COL11A1: variants seen among roughly 807,000 people sequenced by gnomAD.
COL11A1 encodes the protein collagen type XI alpha 1 chain.
COL11A1 carries 74 observed loss-of-function variants against 265.2 expected under a neutral mutation model. The observed-to-expected ratio is 0.28, with a 90% CI of 0.23 to 0.34. The LOEUF is 0.34. Ranked by LOEUF, COL11A1 falls within the 10% of genes least tolerant of loss-of-function variation. The pLI, the probability that COL11A1 is intolerant of heterozygous loss-of-function variation, is 1.00. For synonymous variants in COL11A1, 816 were observed against 727.6 expected (o/e 1.12, Z -1.96); for missense variants, 2,165 against 2,263.6 (o/e 0.96, Z 0.88).
intron 18 of COL11A1, among the ~76,000 whole-genome samples, chr1:103,005,603 G>C (rs1045022412): frequency 6.6e-5 from 10 of 152,038 alleles, no homozygotes; most frequent in Admixed American, 2.0e-4. Flanking sequence ...TAAAGATTCT[G>C]ATTCAATTTA....
intron 23 of COL11A1, 26 bp from the exon 24 acceptor site, chr1:103,001,995 T>C: frequency 6.3e-7 from 1 of 1,585,022 alleles, no homozygotes; most frequent in South Asian, 1.1e-5. Flanking sequence ...TTATTTCATA[T>C]ATCAGATATC....
intron 14 of COL11A1, among the ~76,000 whole-genome samples, chr1:103,010,914 GGTC>G (rs1557941697): frequency 1.3e-5 from 2 of 152,024 alleles, no homozygotes; most frequent in African/African-American, 4.8e-5. Flanking sequence ...TGGTCAGGCT[GGTC>G]TCGAACTCCC....
Position 103,108,269 on chromosome 1 carries a change from T to G in COL11A1, c.-91A>C, listed in dbSNP as rs1674872965. 1.1e-6 allele frequency: 1 copy of G among 951,464 alleles called. No individual in the cohort carries two copies. The highest frequency in any genetic ancestry group is 1.6e-5 in the African/African-American group (1 of 62,140). 58.9% of individuals were successfully genotyped at this position (951,464 alleles called of 1,614,324 possible). A position where few individuals can be genotyped will look rare whatever the true frequency, so the allele number is the denominator to read the frequency against. On this transcript the variant is annotated 5_prime_UTR_variant, in exon 1 of 67. Transcript: ENST00000370096. The stretch of plus-strand genomic sequence containing the variant: ...CCTTTCCAAGGTATCGCCAGGGATG[T>G]TTGCTACACAGCCATTGGGGAGGGA...
At chr1:103,012,059 A>C (rs895607286) in intron 14 of COL11A1, among the ~76,000 whole-genome samples, 3 of 152,324 alleles carry the variant, frequency 2.0e-5, no homozygotes, top group African/African-American at 4.8e-5. Flanking sequence ...CTTTTTTAAC[A>C]AACATTTTGT....
chr1:103,079,017 G>T, intron 2 of COL11A1, 146 bp from the exon 3 acceptor site: 2 of 640,436 alleles, frequency 3.1e-6, no homozygotes, highest in Non-Finnish European at 5.5e-6. Flanking sequence ...AATAAATAGG[G>T]GTCCTCCATT....
intron 4 of COL11A1, among the ~76,000 whole-genome samples, chr1:103,054,153 T>C (rs971466111): frequency 2.0e-5 from 3 of 152,238 alleles, no homozygotes; most frequent in African/African-American, 4.8e-5. Flanking sequence ...TTATTTCTGT[T>C]AAAATTGTAC....
chr1:102,922,925 T>C (rs1318991515), intron 47 of COL11A1, among the ~76,000 whole-genome samples: 3 of 152,168 alleles, frequency 2.0e-5, no homozygotes, highest in Non-Finnish European at 4.4e-5. Flanking sequence ...GGATTTCAAT[T>C]ACCTTTGCTA....
At chr1:102,878,711 G>T (rs929771562) in intron 66 of COL11A1, among the ~76,000 whole-genome samples, 1 of 151,108 alleles carries the variant, frequency 6.6e-6, no homozygotes, top group Non-Finnish European at 1.5e-5. Context: ...GTTTCACTTT[G>T]TTGGCCAGGC....
chr1:102,994,561 C>CT (rs904115257), intron 28 of COL11A1, among the ~76,000 whole-genome samples: 3 of 152,052 alleles, frequency 2.0e-5, no homozygotes. Context: ...AATTAAACCT[C>CT]TTTTTTATAA....
At chr1:103,049,811 T>A (rs539362344) in intron 4 of COL11A1, among the ~76,000 whole-genome samples, 1 of 152,324 alleles carries the variant, frequency 6.6e-6, no homozygotes, top group East Asian at 1.9e-4. Context: ...ACAAAATCTC[T>A]CAGCATTTGC....
intron 1 of COL11A1, among the ~76,000 whole-genome samples, chr1:103,093,917 T>C (rs1056107489): frequency 6.6e-6 from 1 of 152,032 alleles, no homozygotes; most frequent in East Asian, 1.9e-4. Flanking sequence ...GTCAATGCTA[T>C]GGAAGAGAAC....
At chr1:103,027,970 T>C (rs1571085279) in intron 5 of COL11A1, among the ~76,000 whole-genome samples, 1 of 152,100 alleles carries the variant, frequency 6.6e-6, no homozygotes, top group African/African-American at 2.4e-5. Flanking sequence ...GGAAATAACA[T>C]GTTAACTGCC....
Position 103,054,293 on chromosome 1 carries a change from G to A in COL11A1, c.651+20325C>T, listed in dbSNP as rs561920973. On this transcript the variant is annotated intron_variant, in intron 4 of 66. Coordinates refer to ENST00000370096, the MANE Select transcript of COL11A1 (RefSeq NM_001854.4). The stretch of plus-strand genomic sequence containing the variant: ...CAGCTACATTGCGAAATGCACATGC[G>A]AACCAAAGATCTACAGACAAGAATT... 1.5e-4 allele frequency among the ~76,000 whole-genome samples: 23 copies of A among 152,176 alleles called. No individual in the cohort carries two copies. The East Asian group carries it at 4.1e-3, about 27-fold the overall frequency.
At chr1:102,968,675 A>T (rs1048669828) in intron 37 of COL11A1, among the ~76,000 whole-genome samples, 3 of 152,236 alleles carry the variant, frequency 2.0e-5, no homozygotes, top group Non-Finnish European at 4.4e-5. Context: ...CTTTGAGGCT[A>T]TAGGACGATT....
rs966450064 is a variant in COL11A1, at chr1:102,928,395, C to T, written c.3601-5006G>A. ...GATAGTTTACTGAGAATGATGATTT[C>T]CAATTTCATCCATGTCCCTACAAAG... On this transcript the variant is annotated intron_variant, in intron 46 of 66. Coordinates refer to ENST00000370096, the MANE Select transcript of COL11A1 (RefSeq NM_001854.4). 4.7e-4 allele frequency among the ~76,000 whole-genome samples: 72 copies of T among 151,692 alleles called. 1 individual carries two copies. The East Asian group carries it at 0.014, about 28-fold the overall frequency.
chr1:103,105,695 C>T (rs1402802303), intron 1 of COL11A1, among the ~76,000 whole-genome samples: 4 of 152,106 alleles, frequency 2.6e-5, no homozygotes, highest in African/African-American at 9.7e-5. Flanking sequence ...GGTATAAAAT[C>T]TTACTTCAAC....
chr1:103,068,314 A>G (rs1671308371), intron 4 of COL11A1, among the ~76,000 whole-genome samples: 1 of 151,696 alleles, frequency 6.6e-6, no homozygotes, highest in Non-Finnish European at 1.5e-5. Context: ...AAATCAATCA[A>G]TGTAATTCAA....
chr1:102,961,621 T>A (rs1570876692), intron 41 of COL11A1: 1 of 435,144 alleles, frequency 2.3e-6, no homozygotes, highest in East Asian at 4.4e-5. Flanking sequence ...TTGGGAACCG[T>A]AAGAAGCAAG....
intron 5 of COL11A1, among the ~76,000 whole-genome samples, chr1:103,030,339 G>A (rs1013224042): frequency 6.6e-6 from 1 of 151,930 alleles, no homozygotes; most frequent in Non-Finnish European, 1.5e-5. Context: ...CATACTTCTA[G>A]CATTGAAAGT....
Sources: gnomAD v4.1 joint callset for allele counts (sites outside exome capture counted in the v4.1 genomes callset) on GRCh38, gnomAD v4.1.1 for gene constraint, MANE v1.5 for transcripts, NCBI Gene and HGNC (gene_info 2026-07-23, HGNC 2026-07-21) for gene names.